Variants in VPS9D1 observed in about 807,000 individuals in gnomAD.
VPS9D1 encodes the protein VPS9 domain-containing protein 1.
Under a neutral mutation model 75.8 loss-of-function variants are expected in VPS9D1, and 78 were observed. The ratio of observed to expected loss-of-function variants is 1.03; its 90% CI spans 0.86 to 1.24. The LOEUF is 1.24. Ranked by LOEUF, VPS9D1 falls within the 50% of genes most tolerant of loss-of-function variation. VPS9D1 has a pLI of 0.00. For synonymous variants in VPS9D1, 481 were observed against 385.6 expected (o/e 1.25, Z -2.90); for missense variants, 1,057 against 847.7 (o/e 1.25, Z -3.07).
chr16:89,709,682 G>A (rs917382881), intron 11 of VPS9D1, 95 bp downstream of exon 11: 51 of 1,577,348 alleles, frequency 3.2e-5, no homozygotes, highest in Non-Finnish European at 4.1e-5. Flanking sequence ...GGGGATGGAG[G>A]GGAGCAGACA....
intron 1 of VPS9D1, 23 bp from the exon 2 acceptor site, chr16:89,719,125 G>T: frequency 6.2e-7 from 1 of 1,610,818 alleles, no homozygotes; most frequent in Non-Finnish European, 8.5e-7. Context: ...AAGAGAAAGA[G>T]TGGGGTCAGG....
At position 89,712,869 on chromosome 16, in the gene VPS9D1, CCTT is replaced by C. The variant is rs1002398255; in HGVS notation, c.432-156_432-154del. Reference sequence around the variant, plus strand: ...TCTGGGGTGGGCTGCAACATCTGCCCCTTCTTGCCTGCCCTTCCAAAACACAGG... The same window carrying C: ...TCTGGGGTGGGCTGCAACATCTGCCCCTTGCCTGCCCTTCCAAAACACAGG... On this transcript the variant is annotated intron_variant, in intron 4 of 14. Transcript: ENST00000389386. 4.8e-6 allele frequency: 3 copies of C among 619,738 alleles called. No homozygotes were observed. In the African/African-American group the frequency reaches 5.7e-5, roughly 12 times the overall value. The allele number at this position is 619,738 out of a possible 1,614,324, so 38.4% of individuals were successfully genotyped here. A position where few individuals can be genotyped will look rare whatever the true frequency, so the allele number is the denominator to read the frequency against.
At position 89,709,315 on chromosome 16, in the gene VPS9D1, C is replaced by T. The variant is rs377029381; in HGVS notation, c.1509G>A (p.Gly503=). 13 of 1,605,106 alleles carry T rather than the reference C, an allele frequency of 8.1e-6. No homozygotes were observed. The highest frequency in any genetic ancestry group is 3.3e-5 in the South Asian group (3 of 90,548). The change falls in exon 12 of 15, where the codon GGG becomes GGA. Residue 503 remains glycine (G), a synonymous_variant. Coordinates refer to ENST00000389386, the MANE Select transcript of VPS9D1 (RefSeq NM_004913.3). The stretch of plus-strand genomic sequence containing the variant: ...CCGCGCAGTAGGGGTAGCCAGTGGC[C>T]CCCTTGGCCTCAGGGTTCTGGGGGA... The part of the protein sequence containing the change: ...KLLPQNPEAK[G]ATGYPYCAAA...
rs1567554871 is a variant in VPS9D1 at position 89,719,041 on chromosome 16, A to G, written c.161T>C (p.Val54Ala). The change falls in exon 2 of 15, where the codon GTG becomes GCG. Residue 54 changes from valine to alanine, a missense_variant. Coordinates refer to ENST00000389386, the MANE Select transcript of VPS9D1 (RefSeq NM_004913.3). ...HYISQVLLEE[V>A]ETTKEAGETV... ...CTGAGCCGTACCTTTAGTGGTTTCC[A>G]CTTCTTCTAGTAACACCTGGGAGAT... 2.5e-6 allele frequency: 4 copies of G among 1,613,148 alleles called. No individual in the cohort carries two copies. The South Asian group carries it at 3.3e-5, about 13-fold the overall frequency.
Position 89,710,948 on chromosome 16 carries a change from AG to A in VPS9D1, c.895del (p.Leu299CysfsTer5). 6.8e-7 allele frequency: 1 copy of A among 1,473,022 alleles called. No individual in the cohort carries two copies. The highest frequency in any genetic ancestry group is 9.0e-7 in the Non-Finnish European group (1 of 1,117,126). The allele number at this position is 1,473,022 out of a possible 1,614,324, so 91.2% of individuals were successfully genotyped here. On this transcript the variant is annotated frameshift_variant, in exon 10 of 15. Transcript: ENST00000389386. LOFTEE classifies it high-confidence loss of function. ...GGCTGCTCTGCTCACGGCGGGATAC[AG>A]GGCGCTGTACACGGAGCACTGCAGC... The part of the protein sequence containing the change: ...RRLQCSVYSA[L>X]YPAVSRAAAP...
rs1431151505 is a variant in VPS9D1 at position 89,711,781 on chromosome 16, A to G, written c.747+101T>C. 1.3e-5 allele frequency: 16 copies of G among 1,256,234 alleles called. No individual in the cohort carries two copies. The African/African-American group carries it at 2.5e-4, about 19-fold the overall frequency. The allele number at this position is 1,256,234 out of a possible 1,614,324, so 77.8% of individuals were successfully genotyped here. On this transcript the variant is annotated intron_variant, in intron 8 of 14. Coordinates refer to ENST00000389386, the MANE Select transcript of VPS9D1 (RefSeq NM_004913.3). Reference sequence around the variant, plus strand: ...GCCCCGCCCCCTCACTGCCCCCCACAGCCTCTGGCTCCGCCCCCCACGGGG... The same window carrying G: ...GCCCCGCCCCCTCACTGCCCCCCACGGCCTCTGGCTCCGCCCCCCACGGGG...
chr16:89,716,078 A>C (rs1038780450), intron 4 of VPS9D1, among the ~76,000 whole-genome samples: 1 of 151,904 alleles, frequency 6.6e-6, no homozygotes, highest in Non-Finnish European at 1.5e-5. Context: ...TAATCCCAGC[A>C]CTGTGGGGGC....
At chr16:89,709,199 C>T in intron 12 of VPS9D1, 28 bp downstream of exon 12, 2 of 1,609,796 alleles carry the variant, frequency 1.2e-6, no homozygotes, top group South Asian at 1.1e-5. Context: ...GGAGCCTGTC[C>T]CTCCCCCTGA....
intron 8 of VPS9D1, 56 bp downstream of exon 8, chr16:89,711,826 A>AC (rs759158923): frequency 6.4e-5 from 97 of 1,523,374 alleles, no homozygotes; most frequent in South Asian, 1.6e-4. Flanking sequence ...GGCGGCTCTG[A>AC]CCCCGCCCCC....
intron 2 of VPS9D1, among the ~76,000 whole-genome samples, chr16:89,718,741 A>C (rs1035372545): frequency 7.0e-6 from 1 of 143,090 alleles, no homozygotes; most frequent in Non-Finnish European, 1.5e-5. Context: ...TTTGAGACGG[A>C]GTTTCGCTCT....
intron 2 of VPS9D1, chr16:89,717,492 C>G (rs2061102535): frequency 2.2e-6 from 1 of 450,418 alleles, no homozygotes; most frequent in Non-Finnish European, 4.5e-6. Flanking sequence ...TCACACAGCC[C>G]TTCTGCGCGC....
In VPS9D1 at chr16:89,709,292, G is replaced by A. The variant is rs201610914; in HGVS notation, c.1532C>T (p.Ala511Val). 213 of 1,609,512 alleles carry A rather than the reference G, an allele frequency of 1.3e-4. 1 individual carries two copies. Among genetic ancestry groups the A allele is most frequent in the Middle Eastern group, 1.8e-4 (1 of 5,526 alleles). Residue 511 changes from alanine (A) to valine (V), a missense_variant, in exon 12 of 15, where the codon GCG (alanine) becomes GTG (valine). Physicochemically the swap from Ala to Val is moderately conservative, Grantham distance 64. Coordinates refer to ENST00000389386, the MANE Select transcript of VPS9D1 (RefSeq NM_004913.3). ...AKGATGYPYC[A>V]AAQELGLLVL... ...CAGCAGTCCGAGCTCCTGGGCCGCC[G>A]CGCAGTAGGGGTAGCCAGTGGCCCC...
chr16:89,708,929 C>G lies in VPS9D1; in HGVS notation c.1625G>C (p.Cys542Ser), dbSNP rs932977533. The G allele has an allele frequency of 6.2e-7, 1 of 1,604,658 alleles. No homozygotes were observed. Among genetic ancestry groups the G allele is most frequent in the South Asian group, 1.1e-5 (1 of 89,576 alleles). ...IVRTLRIICV[C>S]AEDYCPTPEA... ...TGGGGTGGGGCAGTAGTCTTCCGCA[C>G]AGACACAGATGATCCGCAGGGTCCG... The change falls in exon 13 of 15, where the codon TGT (cysteine) becomes TCT (serine). Residue 542 changes from cysteine to serine, a missense_variant. By Grantham distance (112) the Cys-to-Ser change is moderately radical. Transcript: ENST00000389386.
At chr16:89,709,025 G>GGCCCCCC in intron 12 of VPS9D1, 69 bp from the exon 13 acceptor site, 6 of 627,190 alleles carry the variant, frequency 9.6e-6, no homozygotes, top group South Asian at 6.0e-5. Flanking sequence ...CTTATACCCC[G>GGCCCCCC]CCCACCCACC....
intron 5 of VPS9D1, 31 bp from the exon 6 acceptor site, chr16:89,712,553 C>G: frequency 1.2e-6 from 2 of 1,609,636 alleles, no homozygotes; most frequent in Non-Finnish European, 1.7e-6. Flanking sequence ...AAGGCCGACT[C>G]CCCTCTGCCC....
Position 89,720,798 on chromosome 16 carries a change from C to T in VPS9D1, c.64G>A (p.Gly22Arg), listed in dbSNP as rs986871832. Residue 22 changes from glycine to arginine, a missense_variant, in exon 1 of 15, where the codon GGG becomes AGG. Transcript: ENST00000389386. ...PLQSAMKLAN[G>R]AIELDTGNRP... ...TTGCCGGTGTCCAGCTCGATGGCCC[C>T]GTTGGCAAGCTTCATGGCGCTCTGC... The T allele has an allele frequency of 1.4e-6, 2 of 1,460,790 alleles. No individual in the cohort carries two copies. The highest frequency in any genetic ancestry group is 1.5e-5 in the African/African-American group (1 of 67,834). The allele number at this position is 1,460,790 out of a possible 1,614,324, so 90.5% of individuals were successfully genotyped here.
chr16:89,708,285 C>T (rs926931867), intron 14 of VPS9D1, 142 bp downstream of exon 14: 1 of 809,576 alleles, frequency 1.2e-6, no homozygotes, highest in African/African-American at 1.7e-5. Context: ...ACAGGTGGAC[C>T]CACAGGGGCT....
chr16:89,707,934 C>G lies in VPS9D1; in HGVS notation c.1823G>C (p.Gly608Ala). The G allele has an allele frequency of 6.2e-7, 1 of 1,613,012 alleles. No individual in the cohort carries two copies. The highest frequency in any genetic ancestry group is 8.5e-7 in the Non-Finnish European group (1 of 1,179,946). Residue 608 changes from glycine to alanine, a missense_variant, in exon 15 of 15, where the codon GGC (glycine) becomes GCC (alanine). Transcript: ENST00000389386. The stretch of plus-strand genomic sequence containing the variant: ...ACTCTGCAGTGATGTGAGGCAGTAG[C>G]CCTCCTCTCCGATCAGGTACCTGCA... ...IHEGYLIGEE[G>A]YCLTSLQSAL...
At chr16:89,708,378 G>A in intron 14 of VPS9D1, 49 bp downstream of exon 14, 1 of 1,534,458 alleles carries the variant, frequency 6.5e-7, no homozygotes, top group South Asian at 1.2e-5. Flanking sequence ...GAGGGATGAG[G>A]TCCCTGCTCT....
Sources: allele counts gnomAD v4.1 joint callset (sites outside exome capture counted in the v4.1 genomes callset), GRCh38; gene constraint gnomAD v4.1.1; transcripts MANE v1.5; gene names NCBI Gene and HGNC (gene_info 2026-07-23, HGNC 2026-07-21).